The following CARMIL1 variants were observed in gnomAD, a reference collection of about 807,000 sequenced individuals.
CARMIL1 encodes the protein capping protein regulator and myosin 1 linker 1.
Under a neutral mutation model 177.1 loss-of-function variants are expected in CARMIL1, and 90 were observed. The observed-to-expected ratio is 0.51, with a 90% confidence interval of 0.43 to 0.61. The LOEUF is 0.61. Among genes scored for constraint, CARMIL1 ranks in the 20% least tolerant of loss-of-function variants. CARMIL1 has a pLI of 0.00. For missense variants in CARMIL1, 1,380 were observed against 1,667.0 expected, an observed-to-expected ratio of 0.83 and a Z score of 3.00; for synonymous variants, 577 against 606.2, an observed-to-expected ratio of 0.95 and a Z score of 0.71.
At chr6:25,476,094 T>A (rs189008100) in intron 11 of CARMIL1, among the ~76,000 whole-genome samples, 1 of 152,386 alleles carries the variant, frequency 6.6e-6, no homozygotes, top group African/African-American at 2.4e-5. Flanking sequence ...TTTGATTTTA[T>A]TCAATCTTAA....
chr6:25,287,337 T>C (rs1781594064), intron 2 of CARMIL1: 1 of 152,242 alleles, frequency 6.6e-6, no homozygotes, highest in South Asian at 2.1e-4. Flanking sequence ...CTTCTTACAC[T>C]TGAGACTTTA....
chr6:25,304,552 G>C (rs575399564), intron 2 of CARMIL1, among the ~76,000 whole-genome samples: 7 of 152,110 alleles, frequency 4.6e-5, no homozygotes, highest in Non-Finnish European at 7.4e-5. Flanking sequence ...TAGGGTTCAC[G>C]CTCCTATGAG....
At chr6:25,605,034 A>G in intron 34 of CARMIL1, 141 bp downstream of exon 34, 1 of 669,820 alleles carries the variant, frequency 1.5e-6, no homozygotes, top group East Asian at 2.7e-5. Context: ...ATCATCTGAA[A>G]GACCATATCC....
At chr6:25,421,829 A>AAG (rs1795885598) in intron 3 of CARMIL1, among the ~76,000 whole-genome samples, 1 of 134,490 alleles carries the variant, frequency 7.4e-6, no homozygotes, top group Admixed American at 8.5e-5. Flanking sequence ...ATGAGAACAG[A>AAG]TGGACACAGG....
At chr6:25,455,764 C>G (rs953383526) in intron 8 of CARMIL1, among the ~76,000 whole-genome samples, 5 of 152,254 alleles carry the variant, frequency 3.3e-5, no homozygotes, top group African/African-American at 1.2e-4. Context: ...TTCCCAGGAC[C>G]ATTTCAGATT....
intron 33 of CARMIL1, among the ~76,000 whole-genome samples, chr6:25,603,807 C>T (rs1199205921): frequency 1.3e-5 from 2 of 152,068 alleles, no homozygotes; most frequent in Non-Finnish European, 2.9e-5. Context: ...TATCTAAATG[C>T]CTCAGTCTAG....
At chr6:25,321,435 C>T (rs1340346901) in intron 2 of CARMIL1, among the ~76,000 whole-genome samples, 2 of 152,060 alleles carry the variant, frequency 1.3e-5, no homozygotes, top group Non-Finnish European at 2.9e-5. Context: ...AAGGTGGCAT[C>T]TGAATTAATG....
intron 36 of CARMIL1, among the ~76,000 whole-genome samples, chr6:25,619,184 G>T (rs529707492): frequency 1.3e-5 from 2 of 152,178 alleles, no homozygotes; most frequent in African/African-American, 4.8e-5. Flanking sequence ...CCTAACCTCA[G>T]ATTCTTGCCC....
At chr6:25,471,353 C>A in intron 10 of CARMIL1, 96 bp downstream of exon 10, 4 of 750,454 alleles carry the variant, frequency 5.3e-6, no homozygotes, top group Non-Finnish European at 8.4e-6. Flanking sequence ...TTTAATTGGG[C>A]TGATCACATA....
chr6:25,614,662 T>C (rs1391200251), intron 36 of CARMIL1, among the ~76,000 whole-genome samples: 1 of 152,260 alleles, frequency 6.6e-6, no homozygotes, highest in East Asian at 1.9e-4. Flanking sequence ...CATTGACTTA[T>C]ATCACTTGAT....
chr6:25,595,831 G>T (rs1269566609), intron 32 of CARMIL1, among the ~76,000 whole-genome samples: 1 of 152,098 alleles, frequency 6.6e-6, no homozygotes, highest in Non-Finnish European at 1.5e-5. Flanking sequence ...TGCTTTCAAG[G>T]CTTTTTTCCC....
At chr6:25,364,211 T>A (rs1302678892) in intron 2 of CARMIL1, among the ~76,000 whole-genome samples, 1 of 152,166 alleles carries the variant, frequency 6.6e-6, no homozygotes, top group Non-Finnish European at 1.5e-5. Context: ...CCCAGAGTGT[T>A]GGGATTACAG....
chr6:25,376,065 G>A (rs779113170), intron 2 of CARMIL1, among the ~76,000 whole-genome samples: 1 of 152,088 alleles, frequency 6.6e-6, no homozygotes, highest in Non-Finnish European at 1.5e-5. Context: ...ACCCCGTTTT[G>A]TCATATTGCC....
intron 23 of CARMIL1, among the ~76,000 whole-genome samples, chr6:25,526,678 G>A (rs1562251001): frequency 6.6e-6 from 1 of 151,616 alleles, no homozygotes; most frequent in Non-Finnish European, 1.5e-5. Flanking sequence ...TCAGCCTCCC[G>A]AGTAGCTAGA....
chr6:25,343,657 C>A (rs1195816143), intron 2 of CARMIL1, among the ~76,000 whole-genome samples: 1 of 152,206 alleles, frequency 6.6e-6, no homozygotes, highest in Non-Finnish European at 1.5e-5. Flanking sequence ...AATCCTGCTT[C>A]CCTCCCCTAG....
At chr6:25,582,176 G>C (rs1228345900) in intron 31 of CARMIL1, among the ~76,000 whole-genome samples, 5 of 152,026 alleles carry the variant, frequency 3.3e-5, no homozygotes, top group African/African-American at 9.7e-5. Context: ...ACCCTCCCAA[G>C]GTCACTCCAG....
At chr6:25,387,114 C>CAAAAAAAAAAAAAAAAAAAAAAAAAAA (rs377548646) in intron 2 of CARMIL1, among the ~76,000 whole-genome samples, 7 of 101,918 alleles carry the variant, frequency 6.9e-5, no homozygotes, top group African/African-American at 3.1e-4. Context: ...ACTCTGTCTC[C>CAAAAAAAAAAAAAAAAAAAAAAAAAAA]AAAAAAAAAA....
intron 32 of CARMIL1, among the ~76,000 whole-genome samples, chr6:25,596,090 G>A (rs116143925): frequency 0.019 from 2,925 of 152,170 alleles, 71 homozygotes; most frequent in African/African-American, 0.057. Flanking sequence ...TGTTATACCC[G>A]TCCCAGTGTG....
chr6:25,394,790 A>G (rs1444840574), intron 2 of CARMIL1, among the ~76,000 whole-genome samples: 1 of 152,240 alleles, frequency 6.6e-6, no homozygotes, highest in Non-Finnish European at 1.5e-5. Context: ...AACAGTTACT[A>G]TTTTGGGGTT....
Sources: gnomAD v4.1 joint callset for allele counts (sites outside exome capture counted in the v4.1 genomes callset) on GRCh38, gnomAD v4.1.1 for gene constraint, MANE v1.5 for transcripts, NCBI Gene and HGNC (gene_info 2026-07-23, HGNC 2026-07-21) for gene names.